Variants in KLHL4 observed in about 807,000 individuals in gnomAD.
KLHL4 encodes kelch like family member 4, also known as kelch-like protein 4.
Under a neutral mutation model 45.8 loss-of-function variants are expected in KLHL4, and 17 were observed. That is an observed-to-expected ratio of 0.37 (90% CI 0.25 to 0.56). The LOEUF is 0.56. KLHL4 is among the 20% of genes least tolerant of loss of function. The probability of loss-of-function intolerance (pLI) is 0.79; values close to 1 mark genes in which losing one functional copy is unlikely to be tolerated. For synonymous variants in KLHL4, 224 were observed against 189.9 expected (o/e 1.18, Z -1.47); for missense variants, 544 against 544.9 (o/e 1.00, Z 0.02).
At chrX:87,592,519 C>T (rs1921706157) in intron 1 of KLHL4, among the ~76,000 whole-genome samples, 1 of 111,788 alleles carries the variant, frequency 8.9e-6, no homozygotes, top group Non-Finnish European at 1.9e-5. Flanking sequence ...CTCACCAGCA[C>T]TGTTATTGCC....
At chrX:87,569,537 A>G (rs967492474) in intron 1 of KLHL4, among the ~76,000 whole-genome samples, 15 of 111,816 alleles carry the variant, frequency 1.3e-4, no homozygotes, top group Non-Finnish European at 2.8e-4. Context: ...CAGCAGCACT[A>G]TTCACAATAG....
chrX:87,562,118 G>T (rs1438069601), intron 1 of KLHL4, among the ~76,000 whole-genome samples: 1 of 108,864 alleles, frequency 9.2e-6, no homozygotes, highest in African/African-American at 3.3e-5. Context: ...GAGGAAAGGA[G>T]AGGGAAGAAA....
Position 87,532,412 on chromosome X carries a change from T to C in KLHL4, c.422+14097T>C, listed in dbSNP as rs189565668. On this transcript the variant is annotated intron_variant, in intron 1 of 10. Coordinates refer to ENST00000373119, the MANE Select transcript of KLHL4 (RefSeq NM_019117.5). Reference sequence around the variant, plus strand: ...TTTTTGCTTAGGAGTGTCTTGGCCATGTGGGCTCTTTTTTGGTTCCATATG... The same window carrying C: ...TTTTTGCTTAGGAGTGTCTTGGCCACGTGGGCTCTTTTTTGGTTCCATATG... Among the ~76,000 whole-genome samples, 31 of 110,617 alleles carry C rather than the reference T, an allele frequency of 2.8e-4. No individual in the cohort carries two copies. In the East Asian group the frequency reaches 8.1e-3, roughly 29 times the overall value.
At chrX:87,552,711 AT>A (rs1289502589) in intron 1 of KLHL4, among the ~76,000 whole-genome samples, 3 of 67,881 alleles carry the variant, frequency 4.4e-5, no homozygotes, top group Admixed American at 2.6e-4. Flanking sequence ...ATATATATAT[AT>A]AACATGGCAT....
rs1024754016 is a variant in KLHL4, at chrX:87,669,784, G to A, written c.*3250G>A. 1 of 116,865 alleles carries A rather than the reference G, an allele frequency of 8.6e-6. No homozygotes were observed. Among genetic ancestry groups the A allele is most frequent in the African/African-American group, 3.3e-5 (1 of 30,722 alleles). The allele number at this position is 116,865 out of a possible 1,213,427, so 9.6% of individuals were successfully genotyped here. ...CTAAGTCCCAACCTAAATGATGGAA[G>A]GAGCATCTCCCCTCTTGTCTGTGGA... On this transcript the variant is annotated 3_prime_UTR_variant, in exon 11 of 11. Transcript: ENST00000373119.
chrX:87,657,752 G>A (rs7887335), intron 9 of KLHL4, among the ~76,000 whole-genome samples: 5,638 of 111,339 alleles, frequency 0.051, 381 homozygotes, highest in African/African-American at 0.17. Context: ...AATGTGCTGG[G>A]TTGTGGAACT....
intron 9 of KLHL4, among the ~76,000 whole-genome samples, chrX:87,653,659 A>G (rs1234738538): frequency 8.9e-6 from 1 of 111,827 alleles, no homozygotes; most frequent in Non-Finnish European, 1.9e-5. Context: ...AAGTCATTTT[A>G]TTATAAAGAT....
chrX:87,547,919 G>A (rs370317490), intron 1 of KLHL4, among the ~76,000 whole-genome samples: 1 of 111,897 alleles, frequency 8.9e-6, no homozygotes, highest in Admixed American at 9.5e-5. Flanking sequence ...TTAAAGAAAA[G>A]GTAGAGATGG....
chrX:87,579,034 G>A (rs1056211907), intron 1 of KLHL4, among the ~76,000 whole-genome samples: 1 of 111,235 alleles, frequency 9.0e-6, no homozygotes, highest in Non-Finnish European at 1.9e-5. Flanking sequence ...TTTAGTAGGG[G>A]CAGCTAAGAA....
intron 9 of KLHL4, among the ~76,000 whole-genome samples, chrX:87,649,181 T>G (rs1265304416): frequency 8.9e-6 from 1 of 111,956 alleles, no homozygotes; most frequent in Non-Finnish European, 1.9e-5. Context: ...AAACAATAAC[T>G]GTACATTTTT....
Position 87,621,149 on chromosome X carries a change from T to C in KLHL4, c.925-1062T>C, listed in dbSNP as rs192508527. On this transcript the variant is annotated intron_variant, in intron 4 of 10. Coordinates refer to ENST00000373119, the MANE Select transcript of KLHL4 (RefSeq NM_019117.5). The stretch of plus-strand genomic sequence containing the variant: ...ACAATGACTCAACTAAAAGTAAAGC[T>C]GAGGTGGTGATTTGATTTATTTAGA... Among the ~76,000 whole-genome samples, 6 of 112,061 alleles carry C rather than the reference T, an allele frequency of 5.4e-5. No individual in the cohort carries two copies. The East Asian group carries it at 1.7e-3, about 31-fold the overall frequency.
At chrX:87,553,622 G>T (rs1931888240) in intron 1 of KLHL4, among the ~76,000 whole-genome samples, 1 of 101,899 alleles carries the variant, frequency 9.8e-6, no homozygotes, top group Non-Finnish European at 2.1e-5. Context: ...GTTCTTAAAT[G>T]GATACACAGA....
At chrX:87,666,087 T>C (rs1924360866) in intron 10 of KLHL4, among the ~76,000 whole-genome samples, 1 of 112,069 alleles carries the variant, frequency 8.9e-6, no homozygotes. Flanking sequence ...TGTTTCATCG[T>C]GTGATCTTGA....
chrX:87,621,491 A>G (rs1922746930), intron 4 of KLHL4, among the ~76,000 whole-genome samples: 1 of 96,690 alleles, frequency 1.0e-5, no homozygotes, highest in Admixed American at 1.1e-4. Context: ...TAAATTTATT[A>G]TTATTTTTTT....
At chrX:87,655,418 A>G (rs1164937810) in intron 9 of KLHL4, among the ~76,000 whole-genome samples, 2 of 111,678 alleles carry the variant, frequency 1.8e-5, no homozygotes, top group Non-Finnish European at 3.8e-5. Flanking sequence ...TGTTGAATTG[A>G]TTTCTTCATG....
intron 1 of KLHL4, among the ~76,000 whole-genome samples, chrX:87,582,916 T>A: frequency 8.9e-6 from 1 of 111,793 alleles, no homozygotes; most frequent in South Asian, 3.8e-4. Context: ...GGCCAGCTTT[T>A]ATTCCCTTAT....
intron 1 of KLHL4, among the ~76,000 whole-genome samples, chrX:87,557,516 C>T (rs373302335): frequency 9.0e-6 from 1 of 111,711 alleles, no homozygotes; most frequent in Non-Finnish European, 1.9e-5. Context: ...TGAAACAGTA[C>T]TCTGATGCGA....
chrX:87,606,481 A>T (rs1922201601), intron 1 of KLHL4, among the ~76,000 whole-genome samples: 1 of 111,724 alleles, frequency 9.0e-6, no homozygotes, highest in African/African-American at 3.2e-5. Context: ...AGCTAAAGAA[A>T]AGAGAAAATA....
intron 1 of KLHL4, among the ~76,000 whole-genome samples, chrX:87,561,403 T>C (rs1932096275): frequency 9.0e-6 from 1 of 111,022 alleles, no homozygotes; most frequent in South Asian, 3.8e-4. Context: ...GACTTCACAT[T>C]GGAACGCAGT....
Sources: allele counts gnomAD v4.1 joint callset (sites outside exome capture counted in the v4.1 genomes callset), GRCh38; gene constraint gnomAD v4.1.1; transcripts MANE v1.5; gene names NCBI Gene and HGNC (gene_info 2026-07-23, HGNC 2026-07-21).